NEUROD4: variants seen among roughly 807,000 people sequenced by gnomAD.
The protein encoded by NEUROD4 is neuronal differentiation 4.
Under a neutral mutation model 19.8 loss-of-function variants are expected in NEUROD4, and 16 were observed. The ratio of observed to expected loss-of-function variants is 0.81; its 90% CI spans 0.55 to 1.23. NEUROD4 has a LOEUF of 1.23. NEUROD4 is among the 50% of genes most tolerant of loss of function. NEUROD4 has a pLI of 0.00. For synonymous variants in NEUROD4, 153 were observed against 147.9 expected, an observed-to-expected ratio of 1.03 and a Z score of -0.25; for missense variants, 439 against 398.6, an observed-to-expected ratio of 1.10 and a Z score of -0.86.
At chr12:55,022,089 C>A (rs982894597) in intron 1 of NEUROD4, among the ~76,000 whole-genome samples, 2 of 152,158 alleles carry the variant, frequency 1.3e-5, no homozygotes, top group African/African-American at 4.8e-5. Flanking sequence ...CTTGCATTAT[C>A]TCCTTATTTT....
At chr12:55,023,462 T>C (rs1331676360) in intron 1 of NEUROD4, among the ~76,000 whole-genome samples, 1 of 152,228 alleles carries the variant, frequency 6.6e-6, no homozygotes, top group Non-Finnish European at 1.5e-5. Context: ...TATTATATTT[T>C]TCTCTTACAA....
Position 55,027,319 on chromosome 12 carries a change from C to T in NEUROD4, c.880C>T (p.His294Tyr), listed in dbSNP as rs992833846. Residue 294 changes from histidine (H) to tyrosine (Y), a missense_variant, in exon 2 of 2, where the codon CAT (histidine) becomes TAT (tyrosine). Coordinates refer to ENST00000242994, the MANE Select transcript of NEUROD4 (RefSeq NM_021191.3). ...TTCAAGTCTAAGCTCAGGGCATGTG[C>T]ATTCAACTCCTTTTCAGGCTGGTAC... Reference protein sequence around the residue: ...PSSSLSSGHVHSTPFQAGTPR... With the variant: ...PSSSLSSGHVYSTPFQAGTPR... The T allele has an allele frequency of 6.2e-7, 1 of 1,614,140 alleles. No individual in the cohort carries two copies.
intron 1 of NEUROD4, among the ~76,000 whole-genome samples, chr12:55,022,754 TG>T (rs1952683193): frequency 6.6e-6 from 1 of 152,146 alleles, no homozygotes; most frequent in South Asian, 2.1e-4. Flanking sequence ...TGATAGGGCT[TG>T]GTTTCCTTAC....
chr12:55,027,055 T>C lies in NEUROD4; in HGVS notation c.616T>C (p.Ser206Pro), dbSNP rs1952742088. Reference sequence around the variant, plus strand: ...CTCTGTCCACAACTTCAACTATCAGTCTCCGGGGCTTCCTAGCCCTCCTTA... The same window carrying C: ...CTCTGTCCACAACTTCAACTATCAGCCTCCGGGGCTTCCTAGCCCTCCTTA... ...AISVHNFNYQ[S>P]PGLPSPPYGH... Residue 206 changes from serine (S) to proline (P), a missense_variant, in exon 2 of 2, where the codon TCT (serine) becomes CCT (proline). By Grantham distance (74) the Ser-to-Pro change is moderately conservative (BLOSUM62 -1). Coordinates refer to ENST00000242994, the MANE Select transcript of NEUROD4 (RefSeq NM_021191.3). The C allele has an allele frequency of 6.2e-7, 1 of 1,613,978 alleles. No individual in the cohort carries two copies. The highest frequency in any genetic ancestry group is 1.7e-5 in the Admixed American group (1 of 59,998).
At chr12:55,024,803 G>A (rs1380235829) in intron 1 of NEUROD4, among the ~76,000 whole-genome samples, 1 of 152,196 alleles carries the variant, frequency 6.6e-6, no homozygotes, top group Non-Finnish European at 1.5e-5. Context: ...AGTAAGTCAA[G>A]CTGACATGAT....
In NEUROD4 at chr12:55,027,975, T is replaced by C. The variant is rs1163215581; in HGVS notation, c.*540T>C. 6.0e-6 allele frequency: 1 copy of C among 167,284 alleles called. No individual in the cohort carries two copies. The highest frequency in any genetic ancestry group is 1.5e-5 in the Non-Finnish European group (1 of 68,268). 10.4% of individuals were successfully genotyped at this position (167,284 alleles called of 1,614,324 possible). ...TTGAATTATCAGAGGGATCACAAGG[T>C]ACATGTCTCTTGGCTCACAGAATGC... On this transcript the variant is annotated 3_prime_UTR_variant, in exon 2 of 2. Transcript: ENST00000242994.
At chr12:55,025,574 T>A (rs1952719324) in intron 1 of NEUROD4, among the ~76,000 whole-genome samples, 1 of 152,202 alleles carries the variant, frequency 6.6e-6, no homozygotes, top group African/African-American at 2.4e-5. Context: ...TAACCCTCCT[T>A]TCTTTTCATG....
chr12:55,027,252 T>A lies in NEUROD4; in HGVS notation c.813T>A (p.Pro271=), dbSNP rs761257223. 3 of 1,614,028 alleles carry A rather than the reference T, an allele frequency of 1.9e-6. No homozygotes were observed. The African/African-American group carries it at 4.0e-5, about 22-fold the overall frequency. The change falls in exon 2 of 2, where the codon CCT becomes CCA. Residue 271 remains proline (P), a synonymous_variant. Transcript: ENST00000242994. The part of the protein sequence containing the change: ...GNFSLKQDGS[P]DLEKSYSFMP... Reference sequence around the variant, plus strand: ...TCTCCTTGAAGCAAGATGGGTCTCCTGACCTAGAAAAATCCTACAGCTTCA... The same window carrying A: ...TCTCCTTGAAGCAAGATGGGTCTCCAGACCTAGAAAAATCCTACAGCTTCA...
In NEUROD4 at chr12:55,025,293, G is replaced by A. The variant is rs1952715298; in HGVS notation, c.-9-1138G>A. Among the ~76,000 whole-genome samples, 3 of 152,184 alleles carry A rather than the reference G, an allele frequency of 2.0e-5. No individual in the cohort carries two copies. The South Asian group carries it at 6.2e-4, about 32-fold the overall frequency. ...GTGTGTTAGTGAATTAAAGTAGTCAGGCTATTCCTGTGTTTGCCTGAAATA... is the reference window on the plus strand; with the variant it reads ...GTGTGTTAGTGAATTAAAGTAGTCAAGCTATTCCTGTGTTTGCCTGAAATA... On this transcript the variant is annotated intron_variant, in intron 1 of 1. Transcript: ENST00000242994.
rs1385654141 is a variant in NEUROD4, at chr12:55,020,132, G to GTAA, written c.-191_-190insTAA. 1 of 152,328 alleles carries GTAA rather than the reference G, an allele frequency of 6.6e-6. No homozygotes were observed. Among genetic ancestry groups the GTAA allele is most frequent in the South Asian group, 2.1e-4 (1 of 4,832 alleles). 9.4% of individuals were successfully genotyped at this position (152,328 alleles called of 1,614,324 possible). A position where few individuals can be genotyped will look rare whatever the true frequency, so the allele number is the denominator to read the frequency against. On this transcript the variant is annotated 5_prime_UTR_variant, in exon 1 of 2. Coordinates refer to ENST00000242994, the MANE Select transcript of NEUROD4 (RefSeq NM_021191.3). ...CATACGGAACTCCAAGGAAGGAGTAGAATAAGGAGCAGGCAGAGAAACCAG... is the reference window on the plus strand; with the variant it reads ...CATACGGAACTCCAAGGAAGGAGTAGTAAAATAAGGAGCAGGCAGAGAAACCAG...
At chr12:55,022,258 A>C (rs1952678414) in intron 1 of NEUROD4, among the ~76,000 whole-genome samples, 1 of 152,082 alleles carries the variant, frequency 6.6e-6, no homozygotes, top group Admixed American at 6.6e-5. Flanking sequence ...CACCTGTGAG[A>C]TGGTTCCTTA....
Position 55,027,195 on chromosome 12 carries a change from A to G in NEUROD4, c.756A>G (p.Pro252=), listed in dbSNP as rs111319908. 47 of 1,613,936 alleles carry G rather than the reference A, an allele frequency of 2.9e-5. No homozygotes were observed. The African/African-American group carries it at 3.7e-4, about 13-fold the overall frequency. The change falls in exon 2 of 2, where the codon CCA becomes CCG. Residue 252 remains proline, a synonymous_variant. Transcript: ENST00000242994. ...PDCSTPPYEG[P]LTPPLSISGN... ...GCAGTACACCCCCTTATGAGGGCCC[A>G]CTCACTCCACCCCTGAGCATCAGTG... is the stretch of plus-strand genomic sequence containing the variant.
At position 55,028,303 on chromosome 12, in the gene NEUROD4, G is replaced by C. The variant is rs1952756594; in HGVS notation, c.*868G>C. ...AGCCTCAGACTCCTATAACTAATGG[G>C]ACATAGAGAAGTCTTTTAGACCATG... is the stretch of plus-strand genomic sequence containing the variant. On this transcript the variant is annotated 3_prime_UTR_variant, in exon 2 of 2. Transcript: ENST00000242994. The C allele has an allele frequency of 6.0e-6, 1 of 167,056 alleles. No homozygotes were observed. Among genetic ancestry groups the C allele is most frequent in the African/African-American group, 2.4e-5 (1 of 41,442 alleles). The allele number at this position is 167,056 out of a possible 1,614,324, so 10.3% of individuals were successfully genotyped here. A position where few individuals can be genotyped will look rare whatever the true frequency, so the allele number is the denominator to read the frequency against.
At chr12:55,021,746 G>A (rs1016165970) in intron 1 of NEUROD4, among the ~76,000 whole-genome samples, 7 of 152,124 alleles carry the variant, frequency 4.6e-5, no homozygotes, top group Non-Finnish European at 1.0e-4. Flanking sequence ...AGACCCTATA[G>A]AACGAGGAAA....
intron 1 of NEUROD4, among the ~76,000 whole-genome samples, chr12:55,022,787 T>C (rs970145642): frequency 2.0e-5 from 3 of 152,092 alleles, no homozygotes; most frequent in African/African-American, 7.2e-5. Flanking sequence ...GAACAGAAAC[T>C]TTGATTTCAG....
At chr12:55,021,769 T>A (rs1174564586) in intron 1 of NEUROD4, among the ~76,000 whole-genome samples, 1 of 152,192 alleles carries the variant, frequency 6.6e-6, no homozygotes, top group African/African-American at 2.4e-5. Context: ...TCTGTTATAT[T>A]GTGTAGGTAT....
At chr12:55,024,832 G>T (rs554660387) in intron 1 of NEUROD4, among the ~76,000 whole-genome samples, 13 of 152,326 alleles carry the variant, frequency 8.5e-5, no homozygotes, top group African/African-American at 3.1e-4. Flanking sequence ...TGATTAACAT[G>T]AAACCTAGGC....
At position 55,026,425 on chromosome 12, in the gene NEUROD4, T is replaced by G. The variant is rs1952729301; in HGVS notation, c.-9-6T>G. ...GGAATTAACCTTTGATATTTCCCTT[T>G]TCCAGAGTCTGGAAATGTCAAAAAC... On this transcript the variant is annotated splice_polypyrimidine_tract_variant and splice_region_variant and intron_variant, in intron 1 of 1. Transcript: ENST00000242994. 1 of 1,580,838 alleles carries G rather than the reference T, an allele frequency of 6.3e-7. No homozygotes were observed. The highest frequency in any genetic ancestry group is 1.9e-5 in the Admixed American group (1 of 52,878).
chr12:55,026,746 C>G lies in NEUROD4; in HGVS notation c.307C>G (p.Leu103Val). ...NARERTRMHG[L>V]NDALDNLRRV... The stretch of plus-strand genomic sequence containing the variant: ...CAGAGAACGGACCCGGATGCATGGC[C>G]TGAATGACGCCCTGGATAACCTGAG... The change falls in exon 2 of 2, where the codon CTG (leucine) becomes GTG (valine). Residue 103 changes from leucine (L) to valine (V), a missense_variant. By Grantham distance (32) the Leu-to-Val change is conservative (BLOSUM62 1). Transcript: ENST00000242994. The G allele has an allele frequency of 6.2e-7, 1 of 1,614,132 alleles. No individual in the cohort carries two copies. Among genetic ancestry groups the G allele is most frequent in the Non-Finnish European group, 8.5e-7 (1 of 1,179,998 alleles).
Sources: allele counts gnomAD v4.1 joint callset (sites outside exome capture counted in the v4.1 genomes callset), GRCh38; gene constraint gnomAD v4.1.1; transcripts MANE v1.5; gene names NCBI Gene and HGNC (gene_info 2026-07-23, HGNC 2026-07-21).